Variants in PPM1H observed in about 807,000 individuals in gnomAD.
PPM1H encodes the protein protein phosphatase 1H.
PPM1H carries 27 observed loss-of-function variants against 54.9 expected under a neutral mutation model. The observed-to-expected ratio is 0.49, with a 90% CI of 0.36 to 0.68. The LOEUF (loss-of-function observed/expected upper bound fraction) is 0.68. Ranked by LOEUF, PPM1H falls within the 30% of genes least tolerant of loss-of-function variation. PPM1H has a pLI of 0.00. For synonymous variants in PPM1H, 305 were observed against 270.8 expected (o/e 1.13, Z -1.24); for missense variants, 596 against 667.8 (o/e 0.89, Z 1.19).
At chr12:62,925,001 C>T (rs559089843) in intron 1 of PPM1H, among the ~76,000 whole-genome samples, 1 of 152,288 alleles carries the variant, frequency 6.6e-6, no homozygotes, top group South Asian at 2.1e-4. Flanking sequence ...CTGGATCACA[C>T]CACTGCACTC....
chr12:62,689,813 G>A lies in PPM1H; in HGVS notation c.1138-7C>T. The A allele has an allele frequency of 1.2e-6, 2 of 1,602,200 alleles. No homozygotes were observed. Among genetic ancestry groups the A allele is most frequent in the Non-Finnish European group, 1.7e-6 (2 of 1,170,724 alleles). On this transcript the variant is annotated splice_region_variant and splice_polypyrimidine_tract_variant and intron_variant, in intron 7 of 9. Transcript: ENST00000228705. ...TAGTTGCCATTACCCGGGCCTAGGAGTATAAGCAGAGGGTCATCAGAAACA... is the reference window on the plus strand; with the variant it reads ...TAGTTGCCATTACCCGGGCCTAGGAATATAAGCAGAGGGTCATCAGAAACA...
At chr12:62,894,292 G>T (rs1013840481) in intron 1 of PPM1H, among the ~76,000 whole-genome samples, 15 of 152,156 alleles carry the variant, frequency 9.9e-5, no homozygotes, top group African/African-American at 3.6e-4. Flanking sequence ...AAGGGAGAAG[G>T]GCTTTTTATA....
At chr12:62,838,982 T>C (rs1868617210) in intron 1 of PPM1H, among the ~76,000 whole-genome samples, 1 of 146,102 alleles carries the variant, frequency 6.8e-6, no homozygotes, top group Non-Finnish European at 1.5e-5. Flanking sequence ...GGGTTTCACC[T>C]GGCTCCGGGT....
chr12:62,737,619 A>G (rs571365238), intron 4 of PPM1H, 33 bp from the exon 5 acceptor site: 3 of 1,369,224 alleles, frequency 2.2e-6, no homozygotes, highest in East Asian at 2.5e-5. Context: ...TCAGTAGCCA[A>G]TCTCATAAAT....
chr12:62,699,741 C>T (rs1261432257), intron 6 of PPM1H, among the ~76,000 whole-genome samples: 1 of 152,218 alleles, frequency 6.6e-6, no homozygotes, highest in African/African-American at 2.4e-5. Flanking sequence ...AACCATTATC[C>T]ACTCAGTATT....
intron 1 of PPM1H, among the ~76,000 whole-genome samples, chr12:62,868,257 T>C (rs914225921): frequency 6.6e-6 from 1 of 152,196 alleles, no homozygotes; most frequent in Non-Finnish European, 1.5e-5. Context: ...TCCCCCTTAA[T>C]AGCATCTGGA....
At chr12:62,687,050 C>T (rs7971815) in intron 8 of PPM1H, among the ~76,000 whole-genome samples, 4 of 152,130 alleles carry the variant, frequency 2.6e-5, no homozygotes, top group Non-Finnish European at 4.4e-5. Flanking sequence ...GACTCCTCTC[C>T]GGAAATGTGG....
intron 8 of PPM1H, among the ~76,000 whole-genome samples, chr12:62,686,461 G>T (rs2076052423): frequency 6.6e-6 from 1 of 152,198 alleles, no homozygotes; most frequent in Admixed American, 6.5e-5. Context: ...TTGTAAGGGG[G>T]AGAATAGAAA....
chr12:62,852,582 A>G (rs1438543322), intron 1 of PPM1H, among the ~76,000 whole-genome samples: 2 of 152,264 alleles, frequency 1.3e-5, no homozygotes, highest in East Asian at 1.9e-4. Flanking sequence ...ATGTAGAGGA[A>G]TTGATAATTG....
At chr12:62,725,977 G>A (rs888970822) in intron 5 of PPM1H, among the ~76,000 whole-genome samples, 5 of 152,156 alleles carry the variant, frequency 3.3e-5, no homozygotes, top group Admixed American at 2.6e-4. Flanking sequence ...CAGGTGGCAT[G>A]ATTCATTTTC....
chr12:62,673,469 A>G (rs1418168683), intron 8 of PPM1H, among the ~76,000 whole-genome samples: 1 of 152,178 alleles, frequency 6.6e-6, no homozygotes, highest in Non-Finnish European at 1.5e-5. Flanking sequence ...TTTAAAAAGA[A>G]TCCATCAATT....
At chr12:62,915,478 G>T (rs954986978) in intron 1 of PPM1H, among the ~76,000 whole-genome samples, 2 of 152,180 alleles carry the variant, frequency 1.3e-5, no homozygotes, top group African/African-American at 2.4e-5. Flanking sequence ...GCAAATGAGG[G>T]ATTATTACCT....
chr12:62,652,244 G>A (rs1022941480), intron 9 of PPM1H, among the ~76,000 whole-genome samples: 4 of 152,116 alleles, frequency 2.6e-5, no homozygotes, highest in African/African-American at 9.7e-5. Context: ...ACAGGGCCTC[G>A]CTCTGTCATC....
At chr12:62,655,707 G>A (rs1449744003) in intron 9 of PPM1H, among the ~76,000 whole-genome samples, 1 of 152,192 alleles carries the variant, frequency 6.6e-6, no homozygotes, top group Admixed American at 6.5e-5. Flanking sequence ...GGACTGTGTG[G>A]CAGCCGGAGC....
chr12:62,747,041 T>C (rs2076416301), intron 4 of PPM1H, among the ~76,000 whole-genome samples: 1 of 152,216 alleles, frequency 6.6e-6, no homozygotes, highest in Non-Finnish European at 1.5e-5. Context: ...AGCTCTGGCC[T>C]CCTGGGCTCA....
intron 8 of PPM1H, among the ~76,000 whole-genome samples, chr12:62,672,098 G>A (rs917911685): frequency 4.6e-5 from 7 of 152,026 alleles, no homozygotes; most frequent in South Asian, 4.2e-4. Flanking sequence ...AATAATCGTC[G>A]AAACTGATTG....
intron 1 of PPM1H, among the ~76,000 whole-genome samples, chr12:62,851,876 TTG>T (rs1869200841): frequency 6.6e-6 from 1 of 152,140 alleles, no homozygotes; most frequent in Non-Finnish European, 1.5e-5. Context: ...GACTGAATGT[TTG>T]TGTCTCTGCC....
At chr12:62,912,298 A>C (rs1473474529) in intron 1 of PPM1H, among the ~76,000 whole-genome samples, 1 of 152,214 alleles carries the variant, frequency 6.6e-6, no homozygotes, top group Non-Finnish European at 1.5e-5. Flanking sequence ...CATTAACTTT[A>C]CTTTTCTAAG....
chr12:62,698,722 G>T (rs2076127323), intron 6 of PPM1H, among the ~76,000 whole-genome samples: 1 of 151,742 alleles, frequency 6.6e-6, no homozygotes. Context: ...TTTTTTTAGG[G>T]TTACATATGG....
Sources: allele counts gnomAD v4.1 joint callset (sites outside exome capture counted in the v4.1 genomes callset), GRCh38; gene constraint gnomAD v4.1.1; transcripts MANE v1.5; gene names NCBI Gene and HGNC (gene_info 2026-07-23, HGNC 2026-07-21).